TNFRSF19: variants seen among roughly 807,000 people sequenced by gnomAD.
TNFRSF19 encodes tumor necrosis factor receptor superfamily member 19.
TNFRSF19 carries 27 observed loss-of-function variants against 46.4 expected under a neutral mutation model. The observed-to-expected ratio is 0.58, with a 90% CI of 0.43 to 0.80. The LOEUF is 0.80. TNFRSF19 is among the 30% of genes least tolerant of loss of function. The pLI is 0.00. For synonymous variants in TNFRSF19, 204 were observed against 205.0 expected (o/e 1.00, Z 0.04); for missense variants, 511 against 530.8 (o/e 0.96, Z 0.37).
chr13:23,645,103 A>G (rs184269385), intron 5 of TNFRSF19, among the ~76,000 whole-genome samples: 31 of 152,348 alleles, frequency 2.0e-4, no homozygotes, highest in Non-Finnish European at 4.1e-4. Context: ...AGGGGCTACA[A>G]TGGGCAGGGT....
intron 7 of TNFRSF19, among the ~76,000 whole-genome samples, chr13:23,666,997 A>G (rs186633132): frequency 2.6e-5 from 4 of 152,258 alleles, no homozygotes; most frequent in African/African-American, 9.6e-5. Flanking sequence ...ATGTAGATGT[A>G]TAATTTCTCC....
In TNFRSF19 at chr13:23,570,414, T is replaced by C. The variant is rs976413862; in HGVS notation, c.-469T>C. ...GGGATAAAGCAGAACCCGCTGGCACTAGGAAAAGCTTCCAACACACAGTCC... is the reference window on the plus strand; with the variant it reads ...GGGATAAAGCAGAACCCGCTGGCACCAGGAAAAGCTTCCAACACACAGTCC... On this transcript the variant is annotated 5_prime_UTR_variant, in exon 1 of 10. Transcript: ENST00000248484. The C allele has an allele frequency of 2.6e-5, 4 of 152,202 alleles. No individual in the cohort carries two copies. Among genetic ancestry groups the C allele is most frequent in the African/African-American group, 7.2e-5 (3 of 41,414 alleles). 9.4% of individuals were successfully genotyped at this position (152,202 alleles called of 1,614,324 possible).
chr13:23,651,544 C>T (rs1167786755), intron 5 of TNFRSF19, among the ~76,000 whole-genome samples: 1 of 152,124 alleles, frequency 6.6e-6, no homozygotes, highest in Admixed American at 6.5e-5. Context: ...AGACAGAAAG[C>T]ATAATTAGTT....
At chr13:23,641,841 T>C (rs764573280) in intron 5 of TNFRSF19, among the ~76,000 whole-genome samples, 1 of 152,210 alleles carries the variant, frequency 6.6e-6, no homozygotes, top group Non-Finnish European at 1.5e-5. Context: ...ATTGAAGATA[T>C]ATGTCAAAAG....
intron 2 of TNFRSF19, 65 bp downstream of exon 2, chr13:23,590,317 A>G (rs1566167977): frequency 2.2e-5 from 21 of 970,146 alleles, no homozygotes; most frequent in Non-Finnish European, 3.1e-5. Context: ...AATAAGTAGT[A>G]GGAGTACCAA....
intron 9 of TNFRSF19, among the ~76,000 whole-genome samples, chr13:23,672,119 G>C (rs572717945): frequency 6.6e-6 from 1 of 152,296 alleles, no homozygotes; most frequent in Middle Eastern, 3.4e-3. Flanking sequence ...TACACAACCT[G>C]CATTTCCACA....
At chr13:23,664,427 A>C (rs1293028694) in intron 7 of TNFRSF19, among the ~76,000 whole-genome samples, 1 of 152,028 alleles carries the variant, frequency 6.6e-6, no homozygotes, top group African/African-American at 2.4e-5. Context: ...ACACTTACAC[A>C]TCCCACTCCC....
chr13:23,665,903 T>C (rs1028583601), intron 7 of TNFRSF19, among the ~76,000 whole-genome samples: 8 of 152,252 alleles, frequency 5.3e-5, no homozygotes, highest in Non-Finnish European at 1.0e-4. Context: ...ATGTTTGGTC[T>C]CTTTTAATCT....
Position 23,661,362 on chromosome 13 carries a change from A to G in TNFRSF19, c.736+872A>G, listed in dbSNP as rs576019290. Among the ~76,000 whole-genome samples, 184 of 152,358 alleles carry G rather than the reference A, an allele frequency of 1.2e-3. 1 individual carries two copies. Among genetic ancestry groups the G allele is most frequent in the African/African-American group, 4.2e-3 (175 of 41,594 alleles). Reference sequence around the variant, plus strand: ...CCAGCTCCATCCATGTTCCCACAAAAGACACGATCTCATCCCTTTTTATGG... The same window carrying G: ...CCAGCTCCATCCATGTTCCCACAAAGGACACGATCTCATCCCTTTTTATGG... On this transcript the variant is annotated intron_variant, in intron 7 of 9. Transcript: ENST00000248484.
chr13:23,575,241 G>C (rs1227655926), intron 1 of TNFRSF19, among the ~76,000 whole-genome samples: 1 of 152,180 alleles, frequency 6.6e-6, no homozygotes. Context: ...AGGTACTCAG[G>C]GCCAAACTCA....
At chr13:23,667,912 G>C in intron 7 of TNFRSF19, 68 bp from the exon 8 acceptor site, 10 of 1,330,160 alleles carry the variant, frequency 7.5e-6, no homozygotes, top group Non-Finnish European at 1.0e-5. Flanking sequence ...GAGCAGTGTT[G>C]AAGTGTTATT....
rs991293127 is a variant in TNFRSF19 at position 23,675,866 on chromosome 13, T to A, written c.*2486T>A. On this transcript the variant is annotated 3_prime_UTR_variant, in exon 10 of 10. Transcript: ENST00000248484. ...GAATATATTTTTAAATAGAGATTTT[T>A]CTACTTTAGATAATGTGTTAATATT... 2 of 152,230 alleles carry A rather than the reference T, an allele frequency of 1.3e-5. No homozygotes were observed. The highest frequency in any genetic ancestry group is 2.9e-5 in the Non-Finnish European group (2 of 68,044). 9.4% of individuals were successfully genotyped at this position (152,230 alleles called of 1,614,324 possible). A position where few individuals can be genotyped will look rare whatever the true frequency, so the allele number is the denominator to read the frequency against.
intron 7 of TNFRSF19, among the ~76,000 whole-genome samples, chr13:23,667,443 G>A (rs1176913939): frequency 6.6e-6 from 1 of 152,126 alleles, no homozygotes; most frequent in Non-Finnish European, 1.5e-5. Flanking sequence ...GTCTGTGTTA[G>A]GAGGCCACTC....
rs748225045 is a variant in TNFRSF19 at position 23,615,973 on chromosome 13, C to T, written c.287C>T (p.Ala96Val). 14 of 1,613,856 alleles carry T rather than the reference C, an allele frequency of 8.7e-6. No homozygotes were observed. The Admixed American group carries it at 2.3e-4, about 27-fold the overall frequency. ...FQKCKPCLDC[A>V]VVNRFQKANC... ...AAATGCAAGCCCTGTCTGGACTGCGCAGTGGTGAACCGCTTTCAGAAGGCA... is the reference window on the plus strand; with the variant it reads ...AAATGCAAGCCCTGTCTGGACTGCGTAGTGGTGAACCGCTTTCAGAAGGCA... The change falls in exon 4 of 10, where the codon GCA (alanine) becomes GTA (valine). Residue 96 changes from alanine (A) to valine (V), a missense_variant. Around this residue, in one of 3 missense-constraint regions of TNFRSF19, gnomAD observed 121 missense variants for 124.1 expected, o/e 0.98. Coordinates refer to ENST00000248484, the MANE Select transcript of TNFRSF19 (RefSeq NM_148957.4).
At chr13:23,647,569 A>AT (rs112700730) in intron 5 of TNFRSF19, among the ~76,000 whole-genome samples, 10 of 150,944 alleles carry the variant, frequency 6.6e-5, no homozygotes, top group Non-Finnish European at 1.3e-4. Flanking sequence ...GCCCAGCTAC[A>AT]TTTTTTTTTA....
intron 1 of TNFRSF19, among the ~76,000 whole-genome samples, chr13:23,587,141 T>G (rs1028180044): frequency 6.6e-6 from 1 of 152,106 alleles, no homozygotes; most frequent in Non-Finnish European, 1.5e-5. Flanking sequence ...TATAAAAGCA[T>G]TTTTCTATCT....
chr13:23,663,889 A>T (rs1270518608), intron 7 of TNFRSF19, among the ~76,000 whole-genome samples: 1 of 151,022 alleles, frequency 6.6e-6, no homozygotes, highest in Non-Finnish European at 1.5e-5. Flanking sequence ...GTTTATTTGG[A>T]TATTCTCTCT....
intron 3 of TNFRSF19, among the ~76,000 whole-genome samples, chr13:23,613,479 C>T (rs1284688824): frequency 6.6e-6 from 1 of 152,206 alleles, no homozygotes; most frequent in African/African-American, 2.4e-5. Flanking sequence ...TTTCCAAGGA[C>T]ATTTATTTCC....
intron 5 of TNFRSF19, among the ~76,000 whole-genome samples, chr13:23,651,885 T>TAAA (rs1883667106): frequency 2.3e-4 from 1 of 4,388 alleles, no homozygotes; most frequent in Non-Finnish European, 4.8e-4. Flanking sequence ...GGAAAGAACA[T>TAAA]AACATGCTAA....
Sources: allele counts gnomAD v4.1 joint callset (sites outside exome capture counted in the v4.1 genomes callset), GRCh38; gene constraint gnomAD v4.1.1; regional missense constraint gnomAD v4.1.1; transcripts MANE v1.5; gene names NCBI Gene and HGNC (gene_info 2026-07-23, HGNC 2026-07-21).